DCC: variants seen among roughly 807,000 people sequenced by gnomAD.
The protein encoded by DCC is DCC netrin 1 receptor, also known as netrin receptor DCC.
A neutral mutation model predicts 172.5 loss-of-function variants in DCC; 58 were observed. The ratio of observed to expected loss-of-function variants is 0.34; its 90% CI spans 0.27 to 0.42. The LOEUF (loss-of-function observed/expected upper bound fraction) is 0.42. Ranked by LOEUF, DCC falls within the 10% of genes least tolerant of loss-of-function variation. The probability of loss-of-function intolerance (pLI) is 1.00; values close to 1 mark genes in which losing one functional copy is unlikely to be tolerated. For missense variants in DCC, 1,740 were observed against 1,791.0 expected (o/e 0.97, Z 0.51); for synonymous variants, 709 against 644.5 (o/e 1.10, Z -1.52).
intron 5 of DCC, among the ~76,000 whole-genome samples, chr18:53,061,208 A>G (rs991790912): frequency 6.6e-6 from 1 of 152,050 alleles, no homozygotes; most frequent in African/African-American, 2.4e-5. Flanking sequence ...ATCCAGCCCA[A>G]TCTGGCTCCA....
chr18:53,351,552 G>A (rs1245617356), intron 15 of DCC, among the ~76,000 whole-genome samples: 1 of 140,880 alleles, frequency 7.1e-6, no homozygotes, highest in East Asian at 2.1e-4. Context: ...CCAAATAGAG[G>A]TGTCTTCATC....
intron 12 of DCC, among the ~76,000 whole-genome samples, chr18:53,277,789 G>T (rs2056823001): frequency 1.3e-5 from 2 of 152,134 alleles, no homozygotes; most frequent in Non-Finnish European, 2.9e-5. Flanking sequence ...TTTACAGCCA[G>T]GTGAAACTCT....
chr18:53,264,471 C>T (rs531599573), intron 12 of DCC, among the ~76,000 whole-genome samples: 136 of 138,736 alleles, frequency 9.8e-4, no homozygotes, highest in African/African-American at 3.6e-3. Context: ...AGCAAAACTC[C>T]GTCTCAAAAA....
At chr18:52,824,933 G>A (rs933202532) in intron 2 of DCC, among the ~76,000 whole-genome samples, 4 of 151,658 alleles carry the variant, frequency 2.6e-5, no homozygotes, top group African/African-American at 9.7e-5. Context: ...TAGCACCACT[G>A]CACCCTAGCC....
At chr18:52,655,340 A>C (rs1222337810) in intron 1 of DCC, among the ~76,000 whole-genome samples, 4 of 152,166 alleles carry the variant, frequency 2.6e-5, no homozygotes, top group African/African-American at 9.7e-5. Context: ...ACTTTGACAA[A>C]TTAATAATCG....
At chr18:52,423,703 G>A (rs895117489) in intron 1 of DCC, among the ~76,000 whole-genome samples, 10 of 152,106 alleles carry the variant, frequency 6.6e-5, no homozygotes, top group Admixed American at 2.6e-4. Flanking sequence ...AGCTGTTGTG[G>A]TTTATGGCAT....
intron 2 of DCC, among the ~76,000 whole-genome samples, chr18:52,775,506 A>G (rs989222405): frequency 1.3e-5 from 2 of 152,180 alleles, no homozygotes; most frequent in South Asian, 2.1e-4. Context: ...GTTTTACTGA[A>G]TGGAAGTAGC....
At chr18:52,890,766 C>T (rs1036459039) in intron 2 of DCC, among the ~76,000 whole-genome samples, 3 of 152,038 alleles carry the variant, frequency 2.0e-5, no homozygotes, top group Admixed American at 6.6e-5. Flanking sequence ...AGTATCTATG[C>T]GTCACTTTAA....
chr18:53,155,713 A>C (rs894034257), intron 7 of DCC, among the ~76,000 whole-genome samples: 8 of 152,244 alleles, frequency 5.3e-5, no homozygotes, highest in African/African-American at 9.6e-5. Flanking sequence ...TAAAAAATAC[A>C]TAAATAAACC....
At chr18:52,734,978 C>T (rs2036703295) in intron 1 of DCC, among the ~76,000 whole-genome samples, 1 of 151,998 alleles carries the variant, frequency 6.6e-6, no homozygotes, top group Non-Finnish European at 1.5e-5. Context: ...TAAGAAAATG[C>T]CTTGTTTCTT....
chr18:52,786,366 CA>C (rs978102975), intron 2 of DCC, among the ~76,000 whole-genome samples: 6 of 151,786 alleles, frequency 4.0e-5, no homozygotes, highest in African/African-American at 9.7e-5. Context: ...AAAATGTAGG[CA>C]AAAAAACTTA....
chr18:52,531,263 A>T (rs2032141792), intron 1 of DCC, among the ~76,000 whole-genome samples: 2 of 152,192 alleles, frequency 1.3e-5, no homozygotes, highest in African/African-American at 4.8e-5. Flanking sequence ...ATGTATAGAA[A>T]ATAAAAACCT....
intron 28 of DCC, among the ~76,000 whole-genome samples, chr18:53,529,389 G>C (rs941789052): frequency 2.1e-4 from 32 of 152,248 alleles, no homozygotes; most frequent in Admixed American, 1.9e-3. Context: ...TGCAGAGCTA[G>C]AAATCATGGC....
intron 1 of DCC, among the ~76,000 whole-genome samples, chr18:52,588,827 C>A (rs2033734609): frequency 6.6e-6 from 1 of 151,788 alleles, no homozygotes; most frequent in African/African-American, 2.4e-5. Flanking sequence ...CAGTGAGAAG[C>A]CATTAAAGAG....
intron 1 of DCC, among the ~76,000 whole-genome samples, chr18:52,585,944 G>A (rs914709854): frequency 2.0e-5 from 3 of 151,958 alleles, no homozygotes; most frequent in African/African-American, 7.2e-5. Context: ...TTAGCTGGGA[G>A]TCTTGGCGGG....
intron 1 of DCC, among the ~76,000 whole-genome samples, chr18:52,497,618 A>G (rs955706815): frequency 6.6e-6 from 1 of 151,998 alleles, no homozygotes; most frequent in Admixed American, 6.6e-5. Context: ...TTTAGGATGA[A>G]TCCCAAGAGA....
chr18:52,374,962 A>G (rs1329932695), intron 1 of DCC, among the ~76,000 whole-genome samples: 1 of 152,188 alleles, frequency 6.6e-6, no homozygotes, highest in Non-Finnish European at 1.5e-5. Flanking sequence ...GTCCAATGCC[A>G]TGTCACTGAC....
chr18:52,871,821 A>C (rs919416504), intron 2 of DCC, among the ~76,000 whole-genome samples: 1 of 152,198 alleles, frequency 6.6e-6, no homozygotes, highest in Non-Finnish European at 1.5e-5. Flanking sequence ...CAGAAGGTAC[A>C]CGAGTTGCTA....
intron 1 of DCC, among the ~76,000 whole-genome samples, chr18:52,366,824 G>A (rs1202346544): frequency 2.6e-5 from 4 of 152,214 alleles, no homozygotes; most frequent in Middle Eastern, 3.2e-3. Context: ...CCAGACTCAG[G>A]AGCCCAGCTA....
Sources: allele counts gnomAD v4.1 joint callset (sites outside exome capture counted in the v4.1 genomes callset), GRCh38; gene constraint gnomAD v4.1.1; transcripts MANE v1.5; gene names NCBI Gene and HGNC (gene_info 2026-07-23, HGNC 2026-07-21).